Variants in SIPA1L2 observed in about 807,000 individuals in gnomAD.
SIPA1L2 encodes signal-induced proliferation-associated 1-like protein 2.
SIPA1L2 carries 56 observed loss-of-function variants against 163.9 expected under a neutral mutation model. The observed-to-expected ratio is 0.34, with a 90% CI of 0.28 to 0.43. The LOEUF is 0.43. Ranked by LOEUF, SIPA1L2 falls within the 20% of genes least tolerant of loss-of-function variation. The probability of loss-of-function intolerance (pLI) is 1.00; values close to 1 mark genes in which losing one functional copy is unlikely to be tolerated. For synonymous variants in SIPA1L2, 877 were observed against 865.7 expected, an observed-to-expected ratio of 1.01 and a Z score of -0.23; for missense variants, 1,974 against 2,193.5, an observed-to-expected ratio of 0.90 and a Z score of 2.00.
At chr1:232,527,129 A>G (rs1221740778) in intron 2 of SIPA1L2, among the ~76,000 whole-genome samples, 3 of 152,228 alleles carry the variant, frequency 2.0e-5, no homozygotes, top group Non-Finnish European at 2.9e-5. Flanking sequence ...TCTAAATTCT[A>G]TGTCCCTCTG....
At chr1:232,399,372 T>C (rs1433034781) in intron 22 of SIPA1L2, 99 bp from the exon 23 acceptor site, 1 of 1,356,642 alleles carries the variant, frequency 7.4e-7, no homozygotes, top group Non-Finnish European at 1.0e-6. Context: ...TTTTTACTTA[T>C]GTACTTTTTG....
intron 1 of SIPA1L2, among the ~76,000 whole-genome samples, chr1:232,622,795 A>G (rs1455629375): frequency 6.6e-6 from 1 of 152,236 alleles, no homozygotes; most frequent in Non-Finnish European, 1.5e-5. Flanking sequence ...AATGAGGTAT[A>G]AACTGTTGTT....
In SIPA1L2 at chr1:232,581,922, AGT is replaced by A. The variant is rs1270956935; in HGVS notation, c.-318-7702_-318-7701del. On this transcript the variant is annotated intron_variant, in intron 1 of 22. Coordinates refer to ENST00000674635, the MANE Select transcript of SIPA1L2 (RefSeq NM_020808.5). ...TAAAGAAAAACTTCCTAGATAGAAA[AGT>A]GTCTCTTCCTCTCTACTACTCACTT... 2.0e-5 allele frequency among the ~76,000 whole-genome samples: 3 copies of A among 152,170 alleles called. No individual in the cohort carries two copies. In the South Asian group the frequency reaches 6.2e-4, roughly 31 times the overall value.
chr1:232,476,517 A>G (rs779708409), intron 7 of SIPA1L2, among the ~76,000 whole-genome samples: 2 of 152,176 alleles, frequency 1.3e-5, no homozygotes, highest in Non-Finnish European at 2.9e-5. Context: ...ACATCCCACG[A>G]TGGCTTAACC....
intron 19 of SIPA1L2, among the ~76,000 whole-genome samples, chr1:232,413,387 CCTTCT>C (rs1661065454): frequency 6.6e-6 from 1 of 152,136 alleles, no homozygotes; most frequent in East Asian, 1.9e-4. Context: ...CACCATTTTG[CCTTCT>C]CTAATCCCCT....
At chr1:232,459,088 A>T (rs1484945547) in intron 10 of SIPA1L2, among the ~76,000 whole-genome samples, 4 of 152,270 alleles carry the variant, frequency 2.6e-5, no homozygotes, top group African/African-American at 9.6e-5. Context: ...GATAACTAAT[A>T]GAGAAAGATT....
intron 3 of SIPA1L2, among the ~76,000 whole-genome samples, chr1:232,497,100 G>A (rs1232408299): frequency 1.3e-5 from 2 of 152,156 alleles, no homozygotes; most frequent in Non-Finnish European, 1.5e-5. Flanking sequence ...TATGTGTACT[G>A]CTCTCATACT....
intron 1 of SIPA1L2, among the ~76,000 whole-genome samples, chr1:232,582,367 G>A (rs1303516518): frequency 3.3e-5 from 5 of 151,870 alleles, no homozygotes; most frequent in Non-Finnish European, 5.9e-5. Flanking sequence ...ATCCATAGGT[G>A]CTCAATATTT....
intron 18 of SIPA1L2, among the ~76,000 whole-genome samples, chr1:232,419,064 A>G (rs143520313): frequency 6.6e-6 from 1 of 152,184 alleles, no homozygotes; most frequent in African/African-American, 2.4e-5. Context: ...AAAGCAAAAC[A>G]GGGTGATGTG....
chr1:232,432,607 C>G, intron 15 of SIPA1L2, 136 bp from the exon 16 acceptor site: 1 of 731,088 alleles, frequency 1.4e-6, no homozygotes, highest in Non-Finnish European at 2.3e-6. Flanking sequence ...GCAGATGGAG[C>G]CTTCTTTCTA....
At chr1:232,623,322 C>T (rs879363165) in intron 1 of SIPA1L2, among the ~76,000 whole-genome samples, 10 of 152,186 alleles carry the variant, frequency 6.6e-5, no homozygotes, top group Admixed American at 3.9e-4. Flanking sequence ...CAGCTGAGTT[C>T]AGAACAGGCA....
At chr1:232,429,169 C>T (rs1398595943) in intron 16 of SIPA1L2, among the ~76,000 whole-genome samples, 2 of 152,150 alleles carry the variant, frequency 1.3e-5, no homozygotes, top group Non-Finnish European at 2.9e-5. Flanking sequence ...GTTTTTAGCT[C>T]CTTTACAGGG....
intron 17 of SIPA1L2, among the ~76,000 whole-genome samples, chr1:232,428,106 G>A (rs1441503154): frequency 6.6e-6 from 1 of 152,146 alleles, no homozygotes; most frequent in Non-Finnish European, 1.5e-5. Flanking sequence ...AGGTCAAGAG[G>A]CCAAGTCACT....
intron 2 of SIPA1L2, among the ~76,000 whole-genome samples, chr1:232,530,890 C>G (rs1332969137): frequency 1.3e-5 from 2 of 152,254 alleles, no homozygotes; most frequent in East Asian, 3.9e-4. Flanking sequence ...ATTTAAGCAG[C>G]TGAATGTAGT....
At chr1:232,477,762 T>A (rs1321263251) in intron 7 of SIPA1L2, among the ~76,000 whole-genome samples, 1 of 152,186 alleles carries the variant, frequency 6.6e-6, no homozygotes, top group African/African-American at 2.4e-5. Context: ...TACGCTTCAA[T>A]GAAAGGGGGT....
intron 5 of SIPA1L2, among the ~76,000 whole-genome samples, chr1:232,490,351 C>T (rs1160028866): frequency 6.6e-6 from 1 of 152,176 alleles, no homozygotes; most frequent in African/African-American, 2.4e-5. Flanking sequence ...CCAAGGTACT[C>T]ACTACATTTA....
chr1:232,613,637 C>G (rs913005097), intron 1 of SIPA1L2, among the ~76,000 whole-genome samples: 1 of 152,076 alleles, frequency 6.6e-6, no homozygotes, highest in Non-Finnish European at 1.5e-5. Flanking sequence ...ACCATAAAGA[C>G]AAGATTAGAA....
chr1:232,569,408 G>A (rs1048674021), intron 2 of SIPA1L2, among the ~76,000 whole-genome samples: 1 of 152,208 alleles, frequency 6.6e-6, no homozygotes, highest in Non-Finnish European at 1.5e-5. Flanking sequence ...GCGCACATCT[G>A]CTGTAAGCAG....
Position 232,439,215 on chromosome 1 carries a change from G to A in SIPA1L2, c.3924C>T (p.Asp1308=), listed in dbSNP as rs557045004. 15 of 1,613,832 alleles carry A rather than the reference G, an allele frequency of 9.3e-6. No individual in the cohort carries two copies. Among genetic ancestry groups the A allele is most frequent in the Admixed American group, 1.7e-5 (1 of 60,032 alleles). ...ADAADVSGPD[D]EPAKLYSVHG... ...GCACAGAATATAACTTGGCTGGCTC[G>A]TCGTCAGGCCCAGAGACGTCGGCAG... The change falls in exon 15 of 23, where the codon GAC becomes GAT. Residue 1308 remains aspartate (D), a synonymous_variant. Transcript: ENST00000674635.
Sources: allele counts gnomAD v4.1 joint callset (sites outside exome capture counted in the v4.1 genomes callset), GRCh38; gene constraint gnomAD v4.1.1; transcripts MANE v1.5; gene names NCBI Gene and HGNC (gene_info 2026-07-23, HGNC 2026-07-21).